Variants in RTF2 observed in about 807,000 individuals in gnomAD.
The protein encoded by RTF2 is replication termination factor 2.
In RTF2, 18 loss-of-function variants were observed where a neutral mutation model predicts 38.0. The ratio of observed to expected loss-of-function variants is 0.47; its 90% CI spans 0.33 to 0.70. RTF2 has a LOEUF of 0.70. Among genes scored for constraint, RTF2 ranks in the 30% least tolerant of loss-of-function variants. The pLI is 0.02. For synonymous variants in RTF2, 126 were observed against 137.1 expected, an observed-to-expected ratio of 0.92 and a Z score of 0.57; for missense variants, 311 against 379.6, an observed-to-expected ratio of 0.82 and a Z score of 1.50.
chr20:56,484,054 A>G lies in RTF2; in HGVS notation c.399-57A>G, dbSNP rs929517372. 3 of 1,449,358 alleles carry G rather than the reference A, an allele frequency of 2.1e-6. No individual in the cohort carries two copies. In the African/African-American group the frequency reaches 4.2e-5, roughly 20 times the overall value. 89.8% of individuals were successfully genotyped at this position (1,449,358 alleles called of 1,614,324 possible). A position where few individuals can be genotyped will look rare whatever the true frequency, so the allele number is the denominator to read the frequency against. ...TCTTGGCCTTTGTATCAACCGAATA[A>G]ATGTGAATTGATCATGTGATTAATA... On this transcript the variant is annotated intron_variant, in intron 4 of 8. Coordinates refer to ENST00000357348, the MANE Select transcript of RTF2 (RefSeq NM_016407.5).
intron 4 of RTF2, among the ~76,000 whole-genome samples, chr20:56,483,534 G>T (rs1397320919): frequency 6.6e-6 from 1 of 151,896 alleles, no homozygotes; most frequent in African/African-American, 2.4e-5. Context: ...TCAGTATGTT[G>T]CCCAGGCTAA....
chr20:56,495,693 C>G (rs1043771183), intron 5 of RTF2, among the ~76,000 whole-genome samples: 2 of 152,192 alleles, frequency 1.3e-5, no homozygotes, highest in South Asian at 2.1e-4. Context: ...ATCAAACTTG[C>G]AGTGGACATG....
intron 8 of RTF2, 115 bp downstream of exon 8, chr20:56,517,316 G>A: frequency 1.3e-6 from 1 of 776,620 alleles, no homozygotes; most frequent in Non-Finnish European, 2.2e-6. Context: ...CCTATGTCAT[G>A]TCTCTAGAGA....
chr20:56,517,657 A>G (rs1284250732), intron 8 of RTF2, among the ~76,000 whole-genome samples: 1 of 152,164 alleles, frequency 6.6e-6, no homozygotes, highest in Non-Finnish European at 1.5e-5. Flanking sequence ...CACTCTCTGT[A>G]ACTCAAAGAA....
intron 5 of RTF2, among the ~76,000 whole-genome samples, chr20:56,505,487 C>CATAATAATAATAATA (rs60767194): frequency 0.034 from 4,716 of 139,560 alleles, 126 homozygotes; most frequent in African/African-American, 0.069. Context: ...GATGCCATCT[C>CATAATAATAATAATA]ATAATAATAA....
Position 56,517,202 on chromosome 20 carries a change from G to T in RTF2, c.742+1G>T. 6.2e-7 allele frequency: 1 copy of T among 1,613,158 alleles called. No individual in the cohort carries two copies. Among genetic ancestry groups the T allele is most frequent in the Non-Finnish European group, 8.5e-7 (1 of 1,179,312 alleles). On this transcript the variant is annotated splice_donor_variant, in intron 8 of 8. Coordinates refer to ENST00000357348, the MANE Select transcript of RTF2 (RefSeq NM_016407.5). LOFTEE classifies it high-confidence loss of function. ...ACCAACTTGGCTCCCAAAAGCACAG[G>T]TGGGTCCTGTTGTAGCTACAGGGAG... is the stretch of plus-strand genomic sequence containing the variant.
chr20:56,505,708 C>T (rs1434591168), intron 5 of RTF2, among the ~76,000 whole-genome samples: 2 of 151,992 alleles, frequency 1.3e-5, no homozygotes, highest in Non-Finnish European at 2.9e-5. Flanking sequence ...CCACATTAAA[C>T]GTTACACTTC....
chr20:56,497,564 T>C (rs1208390160), intron 5 of RTF2: 36 of 1,363,668 alleles, frequency 2.6e-5, no homozygotes, highest in Non-Finnish European at 3.5e-5. Flanking sequence ...TGCAAATGAC[T>C]GCCCTCACGA....
intron 5 of RTF2, among the ~76,000 whole-genome samples, chr20:56,493,902 G>A (rs1465380451): frequency 1.3e-5 from 2 of 152,116 alleles, no homozygotes; most frequent in Non-Finnish European, 2.9e-5. Context: ...TCTTCTGCAT[G>A]CAGAGTCGGA....
intron 5 of RTF2, chr20:56,491,828 C>G (rs1983166034): frequency 2.8e-6 from 4 of 1,417,688 alleles, no homozygotes; most frequent in Non-Finnish European, 3.9e-6. Context: ...GTTTCCTCAC[C>G]CATTTTATTC....
intron 5 of RTF2, among the ~76,000 whole-genome samples, chr20:56,500,062 GT>G (rs981588149): frequency 9.6e-5 from 14 of 146,166 alleles, no homozygotes; most frequent in South Asian, 2.2e-4. Context: ...GTTTTCTGTT[GT>G]TTTTTTTTTA....
At chr20:56,495,543 C>T (rs908871058) in intron 5 of RTF2, among the ~76,000 whole-genome samples, 1 of 152,160 alleles carries the variant, frequency 6.6e-6, no homozygotes, top group African/African-American at 2.4e-5. Flanking sequence ...TGGGGATCCC[C>T]ATCTTTGTAC....
intron 5 of RTF2, among the ~76,000 whole-genome samples, chr20:56,513,047 G>A (rs1984785441): frequency 6.6e-6 from 1 of 152,194 alleles, no homozygotes; most frequent in Non-Finnish European, 1.5e-5. Context: ...ACTCTTGTCA[G>A]TTAAAAAATG....
chr20:56,515,109 T>C (rs949733629), intron 6 of RTF2, among the ~76,000 whole-genome samples: 32 of 151,932 alleles, frequency 2.1e-4, no homozygotes, highest in African/African-American at 6.0e-4. Context: ...GTGTATCTTA[T>C]ATAAAGTGTG....
chr20:56,473,867 A>G (rs1313769567), intron 2 of RTF2, among the ~76,000 whole-genome samples: 2 of 151,866 alleles, frequency 1.3e-5, no homozygotes, highest in Non-Finnish European at 1.5e-5. Context: ...CAGCCTGTGC[A>G]AAAAAAATAG....
chr20:56,495,436 C>A, intron 5 of RTF2: 1 of 693,192 alleles, frequency 1.4e-6, no homozygotes, highest in Non-Finnish European at 2.5e-6. Context: ...TCCAACCTTC[C>A]TTGAGATGTT....
chr20:56,511,698 G>C (rs1425745960), intron 5 of RTF2, among the ~76,000 whole-genome samples: 1 of 152,070 alleles, frequency 6.6e-6, no homozygotes, highest in Non-Finnish European at 1.5e-5. Context: ...CCCACAAGAT[G>C]CCAATAGCAC....
chr20:56,518,352 G>A lies in RTF2; in HGVS notation c.*87G>A. 2 of 1,311,102 alleles carry A rather than the reference G, an allele frequency of 1.5e-6. No homozygotes were observed. Among genetic ancestry groups the A allele is most frequent in the East Asian group, 2.3e-5 (1 of 43,296 alleles). 81.2% of individuals were successfully genotyped at this position (1,311,102 alleles called of 1,614,324 possible). The stretch of plus-strand genomic sequence containing the variant: ...TTTGTGCCTCTGAGTGCGCTGCTGT[G>A]TGTTCTCTCTATAGTTCTGTGTCAT... On this transcript the variant is annotated 3_prime_UTR_variant, in exon 9 of 9. Coordinates refer to ENST00000357348, the MANE Select transcript of RTF2 (RefSeq NM_016407.5).
intron 4 of RTF2, among the ~76,000 whole-genome samples, chr20:56,481,171 T>G (rs186112912): frequency 9.3e-4 from 141 of 152,328 alleles, no homozygotes; most frequent in African/African-American, 3.2e-3. Flanking sequence ...AGGTAGCATT[T>G]TTTATTACTT....
Sources: gnomAD v4.1 joint callset for allele counts (sites outside exome capture counted in the v4.1 genomes callset) on GRCh38, gnomAD v4.1.1 for gene constraint, MANE v1.5 for transcripts, NCBI Gene and HGNC (gene_info 2026-07-23, HGNC 2026-07-21) for gene names.